Variants in DMAC2 observed in about 807,000 individuals in gnomAD.
DMAC2 encodes the protein distal membrane-arm assembly complex protein 2.
A neutral mutation model predicts 29.6 loss-of-function variants in DMAC2; 32 were observed. That is an observed-to-expected ratio of 1.08 (90% CI 0.81 to 1.45). DMAC2 has a LOEUF of 1.45. Among genes scored for constraint, DMAC2 ranks in the 40% most tolerant of loss-of-function variants. DMAC2 has a pLI of 0.00. For synonymous variants in DMAC2, 133 were observed against 137.4 expected, an observed-to-expected ratio of 0.97 and a Z score of 0.23; for missense variants, 319 against 340.0, an observed-to-expected ratio of 0.94 and a Z score of 0.49.
At position 41,431,431 on chromosome 19, in the gene DMAC2, T is replaced by C; in HGVS notation, c.*800A>G. The C allele has an allele frequency of 4.6e-6, 2 of 430,236 alleles. No individual in the cohort carries two copies. The highest frequency in any genetic ancestry group is 9.3e-6 in the Non-Finnish European group (2 of 215,124). 26.7% of individuals were successfully genotyped at this position (430,236 alleles called of 1,614,324 possible). A position where few individuals can be genotyped will look rare whatever the true frequency, so the allele number is the denominator to read the frequency against. On this transcript the variant is annotated 3_prime_UTR_variant, in exon 6 of 6. Coordinates refer to ENST00000221943, the MANE Select transcript of DMAC2 (RefSeq NM_018035.3). Reference sequence around the variant, plus strand: ...GAATTGACTGGAAATCCATTTGGGGTGCTGGGGAACGTTATTCCCAGAGAG... The same window carrying C: ...GAATTGACTGGAAATCCATTTGGGGCGCTGGGGAACGTTATTCCCAGAGAG...
At chr19:41,433,132 C>G in intron 5 of DMAC2, 140 bp downstream of exon 5, 1 of 932,210 alleles carries the variant, frequency 1.1e-6, no homozygotes, top group South Asian at 1.8e-5. Context: ...TGCTCATCTA[C>G]CATAAATACT....
chr19:41,437,821 G>A (rs935578015), intron 2 of DMAC2, among the ~76,000 whole-genome samples: 1 of 152,218 alleles, frequency 6.6e-6, no homozygotes, highest in Non-Finnish European at 1.5e-5. Flanking sequence ...AGATATTCTA[G>A]TATTTTATTG....
At chr19:41,439,578 T>G (rs2040047177) in intron 1 of DMAC2, 2 of 1,526,752 alleles carry the variant, frequency 1.3e-6, no homozygotes, top group Non-Finnish European at 1.8e-6. Flanking sequence ...TAGCTCCTTG[T>G]GTCATCCCTC....
intron 3 of DMAC2, among the ~76,000 whole-genome samples, chr19:41,435,340 G>T (rs577953864): frequency 1.3e-5 from 2 of 152,140 alleles, no homozygotes; most frequent in South Asian, 2.1e-4. Context: ...CGTGATCTTG[G>T]CTCATTGCAA....
intron 1 of DMAC2, chr19:41,439,603 G>C (rs1555772428): frequency 2.7e-6 from 4 of 1,506,970 alleles, no homozygotes; most frequent in Non-Finnish European, 2.7e-6. Flanking sequence ...TGATTGGTTA[G>C]TCGCGTCGCT....
chr19:41,437,313 T>C (rs2039918641), intron 2 of DMAC2, among the ~76,000 whole-genome samples: 1 of 152,018 alleles, frequency 6.6e-6, no homozygotes, highest in Non-Finnish European at 1.5e-5. Flanking sequence ...GGAGAATCGC[T>C]TGAACCCAGG....
rs781957938 is a variant in DMAC2, at chr19:41,432,270, C to G, written c.735G>C (p.Glu245Asp). ...DWAEGLKSGP[E>D]EQPRDTASPV... ...GGCTGGCTGTGTCCCGAGGCTGCTC[C>G]TCCGGCCCTGACTTCAGGCCCTCAG... The change falls in exon 6 of 6, where the codon GAG becomes GAC. Residue 245 changes from glutamate to aspartate, a missense_variant. Coordinates refer to ENST00000221943, the MANE Select transcript of DMAC2 (RefSeq NM_018035.3). 1 of 1,614,144 alleles carries G rather than the reference C, an allele frequency of 6.2e-7. No individual in the cohort carries two copies. The highest frequency in any genetic ancestry group is 1.1e-5 in the South Asian group (1 of 91,090).
At chr19:41,433,722 G>A in intron 3 of DMAC2, 49 bp from the exon 4 acceptor site, 3 of 1,611,906 alleles carry the variant, frequency 1.9e-6, no homozygotes, top group Non-Finnish European at 2.5e-6. Flanking sequence ...CCTGCCCCAG[G>A]CCTCCAGCCT....
chr19:41,433,431 C>T lies in DMAC2; in HGVS notation c.437G>A (p.Arg146His), dbSNP rs781938587. ...CGACAAGGACTGGAGCTCCTTCAGG[C>T]GGACTGCGGTGGGGAGAGGGTGGGA... ...INYEGLDNLLRLKELQSLSLQ... is the reference protein window; with the variant it reads ...INYEGLDNLLHLKELQSLSLQ... Residue 146 changes from arginine to histidine, a missense_variant, in exon 5 of 6, where the codon CGC (arginine) becomes CAC (histidine). Transcript: ENST00000221943. 1.7e-5 allele frequency: 27 copies of T among 1,613,170 alleles called. No individual in the cohort carries two copies. The Admixed American group carries it at 3.0e-4, about 18-fold the overall frequency.
intron 3 of DMAC2, among the ~76,000 whole-genome samples, chr19:41,434,985 G>T (rs1453368914): frequency 1.4e-5 from 2 of 147,718 alleles, no homozygotes; most frequent in Non-Finnish European, 3.0e-5. Flanking sequence ...TAGCCTGGGC[G>T]ACAAGAGCAA....
Position 41,432,414 on chromosome 19 carries a change from A to G in DMAC2, c.597-6T>C, listed in dbSNP as rs2039562752. 3 of 1,612,950 alleles carry G rather than the reference A, an allele frequency of 1.9e-6. No homozygotes were observed. The highest frequency in any genetic ancestry group is 2.5e-6 in the Non-Finnish European group (3 of 1,179,742). ...TGTCCAGCCTGCGGAGGTTCCTGAAAAGGGGTGAGAAGGACAGGAAGCCAG... is the reference window on the plus strand; with the variant it reads ...TGTCCAGCCTGCGGAGGTTCCTGAAGAGGGGTGAGAAGGACAGGAAGCCAG... On this transcript the variant is annotated splice_region_variant and splice_polypyrimidine_tract_variant and intron_variant, in intron 5 of 5. Coordinates refer to ENST00000221943, the MANE Select transcript of DMAC2 (RefSeq NM_018035.3).
At chr19:41,439,358 T>C in intron 1 of DMAC2, 1 of 646,516 alleles carries the variant, frequency 1.5e-6, no homozygotes, top group Non-Finnish European at 2.6e-6. Flanking sequence ...AATTCTCCTC[T>C]TAATTTCACC....
intron 3 of DMAC2, among the ~76,000 whole-genome samples, chr19:41,434,924 T>G (rs2039777891): frequency 6.6e-6 from 1 of 151,348 alleles, no homozygotes; most frequent in Non-Finnish European, 1.5e-5. Flanking sequence ...GAGAATTGCT[T>G]GAACCCAGGA....
intron 3 of DMAC2, among the ~76,000 whole-genome samples, chr19:41,435,529 C>A (rs542371541): frequency 6.6e-6 from 1 of 152,242 alleles, no homozygotes; most frequent in Admixed American, 6.5e-5. Context: ...CTCGGCCTCC[C>A]AAAGTGCTGC....
intron 5 of DMAC2, chr19:41,432,798 G>GC: frequency 1.9e-6 from 1 of 524,840 alleles, no homozygotes; most frequent in Non-Finnish European, 3.4e-6. Context: ...GTGTGTGTGT[G>GC]TGTGTGTGTG....
chr19:41,432,516 G>T, intron 5 of DMAC2, 108 bp from the exon 6 acceptor site: 1 of 1,061,466 alleles, frequency 9.4e-7, no homozygotes, highest in Non-Finnish European at 1.4e-6. Context: ...AGGCAGGTAA[G>T]CCAGTGTAAG....
At chr19:41,433,222 AGGTGGGAGAGGTGCCTGGG>A in intron 5 of DMAC2, 31 bp downstream of exon 5, 1 of 1,547,940 alleles carries the variant, frequency 6.5e-7, no homozygotes, top group Non-Finnish European at 8.7e-7. Context: ...CATCTGGGTT[AGGTGGGAGAGGTGCCTGGG>A]CATGTGGCCC....
chr19:41,432,802 G>A, intron 5 of DMAC2: 1 of 527,882 alleles, frequency 1.9e-6, no homozygotes, highest in South Asian at 2.4e-5. Flanking sequence ...GTGTGTGTGT[G>A]TGTGTGTGTG....
rs782379384 is a variant in DMAC2 at position 41,431,356 on chromosome 19, G to T, written c.*875C>A. 13 of 513,630 alleles carry T rather than the reference G, an allele frequency of 2.5e-5. No homozygotes were observed. The East Asian group carries it at 7.1e-4, about 28-fold the overall frequency. 31.8% of individuals were successfully genotyped at this position (513,630 alleles called of 1,614,324 possible). A position where few individuals can be genotyped will look rare whatever the true frequency, so the allele number is the denominator to read the frequency against. ...GAAAGTTTAATATAGAGAATTACTG[G>T]CTTTAACAGTGAACTGGAATAATGA... On this transcript the variant is annotated 3_prime_UTR_variant, in exon 6 of 6. Transcript: ENST00000221943.
Sources: allele counts gnomAD v4.1 joint callset (sites outside exome capture counted in the v4.1 genomes callset), GRCh38; gene constraint gnomAD v4.1.1; transcripts MANE v1.5; gene names NCBI Gene and HGNC (gene_info 2026-07-23, HGNC 2026-07-21).